ATF6B: variants seen among roughly 807,000 people sequenced by gnomAD.
The protein encoded by ATF6B is activating transcription factor 6 beta.
ATF6B carries 50 observed loss-of-function variants against 83.5 expected under a neutral mutation model. The ratio of observed to expected loss-of-function variants is 0.60; its 90% CI spans 0.48 to 0.76. The LOEUF (loss-of-function observed/expected upper bound fraction) is 0.76. Ranked by LOEUF, ATF6B falls within the 30% of genes least tolerant of loss-of-function variation. The pLI is 0.00. For missense variants in ATF6B, 790 were observed against 893.8 expected (o/e 0.88, Z 1.48); for synonymous variants, 344 against 362.8 (o/e 0.95, Z 0.59).
chr6:32,117,815 C>T lies in ATF6B; in HGVS notation c.1424+44G>A, dbSNP rs1437303543. 1.8e-5 allele frequency: 28 copies of T among 1,559,116 alleles called. 1 individual carries two copies. In the South Asian group the frequency reaches 3.0e-4, roughly 17 times the overall value. ...TCACTGAAAGCGGGGAGAAGACCAA[C>T]TCATACCCTCAAACGAGAGGGGGCC... On this transcript the variant is annotated intron_variant, in intron 12 of 17. Transcript: ENST00000375203. The surrounding 1 kb of genome is among the most constrained non-coding windows in gnomAD (Gnocchi z 5.0).
At position 32,128,126 on chromosome 6, in the gene ATF6B, C is replaced by A; in HGVS notation, c.82G>T (p.Gly28Cys). The A allele has an allele frequency of 1.2e-6, 2 of 1,613,316 alleles. No individual in the cohort carries two copies. Among genetic ancestry groups the A allele is most frequent in the Non-Finnish European group, 1.7e-6 (2 of 1,179,998 alleles). Residue 28 changes from glycine to cysteine, a missense_variant, in exon 1 of 18, where the codon GGT becomes TGT. This residue lies in a region of ATF6B where 253 missense variants were observed against 243.1 expected (regional missense o/e 1.04). Coordinates refer to ENST00000375203, the MANE Select transcript of ATF6B (RefSeq NM_004381.5). ...CTCCCCGGTGCCTCACTCTGCAGAC[C>A]CCAGTCCTCCGGGCTAAGCAGGTTG... ...TDNLLSPEDW[G>C]LQNSTLYSGL...
chr6:32,126,682 G>C (rs759731524), intron 4 of ATF6B, among the ~76,000 whole-genome samples: 16 of 152,094 alleles, frequency 1.1e-4, no homozygotes, highest in Middle Eastern at 3.4e-3. Context: ...AACATAGGAA[G>C]ACCCCATTTT....
intron 4 of ATF6B, among the ~76,000 whole-genome samples, chr6:32,126,888 A>C (rs1782002159): frequency 6.6e-6 from 1 of 152,090 alleles, no homozygotes; most frequent in Admixed American, 6.6e-5. Context: ...AAAAACAAAC[A>C]AACAAAAAAA....
At position 32,118,082 on chromosome 6, in the gene ATF6B, T is replaced by C; in HGVS notation, c.1245-44A>G. The C allele has an allele frequency of 6.2e-7, 1 of 1,610,090 alleles. No individual in the cohort carries two copies. The highest frequency in any genetic ancestry group is 8.5e-7 in the Non-Finnish European group (1 of 1,176,950). On this transcript the variant is annotated intron_variant, in intron 11 of 17. Transcript: ENST00000375203. This position sits in a 1 kb window ranked among gnomAD's most constrained non-coding sequence, Gnocchi z 5.2. The stretch of plus-strand genomic sequence containing the variant: ...TGAGCACAATGAAGAATTTCAGCTG[T>C]ATCAAGTATCTAGGTAAGAATAAAG...
chr6:32,123,612 T>A (rs1365182622), intron 5 of ATF6B, among the ~76,000 whole-genome samples: 1 of 152,134 alleles, frequency 6.6e-6, no homozygotes, highest in Non-Finnish European at 1.5e-5. Context: ...ATGGTCTTGA[T>A]CTCCTGACCT....
At position 32,127,086 on chromosome 6, in the gene ATF6B, G is replaced by A. The variant is rs375944108; in HGVS notation, c.342+17C>T. 1.3e-5 allele frequency: 21 copies of A among 1,563,490 alleles called. No homozygotes were observed. In the African/African-American group the frequency reaches 2.4e-4, roughly 18 times the overall value. The stretch of plus-strand genomic sequence containing the variant: ...GAGTCCCCGTCACAGAGAGTAAGAG[G>A]GATATGGCTCTCTCACCTCGCTGGA... On this transcript the variant is annotated intron_variant, in intron 4 of 17. Coordinates refer to ENST00000375203, the MANE Select transcript of ATF6B (RefSeq NM_004381.5).
At position 32,126,395 on chromosome 6, in the gene ATF6B, C is replaced by T. The variant is rs1781982663; in HGVS notation, c.343-143G>A. 2.9e-6 allele frequency: 3 copies of T among 1,017,626 alleles called. No homozygotes were observed. The African/African-American group carries it at 4.9e-5, about 17-fold the overall frequency. The allele number at this position is 1,017,626 out of a possible 1,614,324, so 63.0% of individuals were successfully genotyped here. A position where few individuals can be genotyped will look rare whatever the true frequency, so the allele number is the denominator to read the frequency against. Reference sequence around the variant, plus strand: ...ATTTGACATTCTGGTCTGAATGGTACTGACCATCTTTCTAACCTGTTCATT... The same window carrying T: ...ATTTGACATTCTGGTCTGAATGGTATTGACCATCTTTCTAACCTGTTCATT... On this transcript the variant is annotated intron_variant, in intron 4 of 17. Transcript: ENST00000375203.
At chr6:32,122,923 G>T (rs530268756) in intron 5 of ATF6B, among the ~76,000 whole-genome samples, 1 of 140,792 alleles carries the variant, frequency 7.1e-6, no homozygotes, top group South Asian at 2.3e-4. Flanking sequence ...ACCACTATCA[G>T]AACTATTTAA....
In ATF6B at chr6:32,116,982, C is replaced by A. The variant is rs1345647404; in HGVS notation, c.1685+55G>T. The A allele has an allele frequency of 1.9e-6, 3 of 1,583,274 alleles. No homozygotes were observed. The African/African-American group carries it at 4.0e-5, about 21-fold the overall frequency. ...AGGCACAGGACAGCTACTGGGGGTACAGCTCTTGAAAGTGGAATTTCACTT... is the reference window on the plus strand; with the variant it reads ...AGGCACAGGACAGCTACTGGGGGTAAAGCTCTTGAAAGTGGAATTTCACTT... On this transcript the variant is annotated intron_variant, in intron 15 of 17. Coordinates refer to ENST00000375203, the MANE Select transcript of ATF6B (RefSeq NM_004381.5). This position sits in a 1 kb window ranked among gnomAD's most constrained non-coding sequence, Gnocchi z 5.1.
chr6:32,115,975 G>A lies in ATF6B; in HGVS notation c.1883-7C>T, dbSNP rs772180320. ...CCACGGCCTGACAGGGTCTCTGTGA[G>A]AAGGGGAGAGTTAAGGAAGAGGAGA... On this transcript the variant is annotated splice_polypyrimidine_tract_variant and splice_region_variant and intron_variant, in intron 17 of 17. Transcript: ENST00000375203. 1 of 1,609,168 alleles carries A rather than the reference G, an allele frequency of 6.2e-7. No homozygotes were observed. The highest frequency in any genetic ancestry group is 1.1e-5 in the South Asian group (1 of 90,620).
chr6:32,122,532 C>A (rs755455818), intron 5 of ATF6B, among the ~76,000 whole-genome samples: 4 of 151,882 alleles, frequency 2.6e-5, no homozygotes, highest in Non-Finnish European at 5.9e-5. Flanking sequence ...CAAATCCAAA[C>A]GAACAAAGGA....
In ATF6B at chr6:32,127,485, G is replaced by A. The variant is rs976291820; in HGVS notation, c.207C>T (p.Val69=). 2 of 1,613,458 alleles carry A rather than the reference G, an allele frequency of 1.2e-6. No individual in the cohort carries two copies. Residue 69 remains valine (V), a synonymous_variant, in exon 3 of 18, where the codon GTC becomes GTT. Coordinates refer to ENST00000375203, the MANE Select transcript of ATF6B (RefSeq NM_004381.5). ...GTTCCCATGGGGGCTCAGAGGGGCT[G>A]ACATCCATCCCCACGTCCAGGGAGC... is the stretch of plus-strand genomic sequence containing the variant. ...DGSSLDVGMD[V]SPSEPPWELL... is the part of the protein sequence containing the mutation.
In ATF6B at chr6:32,119,951, G is replaced by A; in HGVS notation, c.839C>T (p.Pro280Leu). Residue 280 changes from proline (P) to leucine (L), a missense_variant, in exon 9 of 18, where the codon CCA becomes CTA. By Grantham distance (98) the Pro-to-Leu change is moderately conservative. Coordinates refer to ENST00000375203, the MANE Select transcript of ATF6B (RefSeq NM_004381.5). This position sits in a 1 kb window ranked among gnomAD's most constrained non-coding sequence, Gnocchi z 4.9. Reference sequence around the variant, plus strand: ...AATAGCACCCTGGATGAGGACAACTGGGGACACTGGGGCAAGTGAGCAGAG... The same window carrying A: ...AATAGCACCCTGGATGAGGACAACTAGGGACACTGGGGCAAGTGAGCAGAG... Reference protein sequence around the residue: ...QSLVQPPPVSPVVLIQGAIRV... With the variant: ...QSLVQPPPVSLVVLIQGAIRV... The A allele has an allele frequency of 6.2e-7, 1 of 1,613,980 alleles. No individual in the cohort carries two copies. Among genetic ancestry groups the A allele is most frequent in the Non-Finnish European group, 8.5e-7 (1 of 1,179,910 alleles).
Position 32,116,718 on chromosome 6 carries a change from C to T in ATF6B, c.1783G>A (p.Val595Ile), listed in dbSNP as rs1781542921. Residue 595 changes from valine to isoleucine, a missense_variant, in exon 16 of 18, where the codon GTC (valine) becomes ATC (isoleucine). By Grantham distance (29) the Val-to-Ile change is conservative (BLOSUM62 3). Coordinates refer to ENST00000375203, the MANE Select transcript of ATF6B (RefSeq NM_004381.5). This position sits in a 1 kb window ranked among gnomAD's most constrained non-coding sequence, Gnocchi z 5.1. Reference sequence around the variant, plus strand: ...GAGAAACTCACCCTTCGGAAAGAGACAACATAAAATGTGTCTTCCCGTCGG... The same window carrying T: ...GAGAAACTCACCCTTCGGAAAGAGATAACATAAAATGTGTCTTCCCGTCGG... ...IDRREDTFYV[V>I]SFRRDHLLLP... 1.9e-6 allele frequency: 3 copies of T among 1,614,004 alleles called. No homozygotes were observed. Among genetic ancestry groups the T allele is most frequent in the Non-Finnish European group, 2.5e-6 (3 of 1,180,016 alleles).
At position 32,125,894 on chromosome 6, in the gene ATF6B, G is replaced by C; in HGVS notation, c.478+223C>G. On this transcript the variant is annotated intron_variant, in intron 5 of 17. Coordinates refer to ENST00000375203, the MANE Select transcript of ATF6B (RefSeq NM_004381.5). This position sits in a 1 kb window ranked among gnomAD's most constrained non-coding sequence, Gnocchi z 4.1. ...CAGAATACTAGGAACAAGAAAAAGA[G>C]AGAAAAATAATATCCATCTCCTCAG... The C allele has an allele frequency of 1.9e-6, 1 of 537,140 alleles. No homozygotes were observed. 33.3% of individuals were successfully genotyped at this position (537,140 alleles called of 1,614,324 possible).
Position 32,117,965 on chromosome 6 carries a change from G to GC in ATF6B, c.1317dup (p.Leu440AlafsTer13), listed in dbSNP as rs1373123163. On this transcript the variant is annotated frameshift_variant, in exon 12 of 18. Coordinates refer to ENST00000375203, the MANE Select transcript of ATF6B (RefSeq NM_004381.5). LOFTEE classifies it high-confidence loss of function. The surrounding 1 kb of genome is among the most constrained non-coding windows in gnomAD (Gnocchi z 5.0). ...ACTGGCTCTTGCTCTGAGAACCCCA[G>GC]CAAGTGTCTCCGGGGTTGAGGCTCC... 1.7e-5 allele frequency: 28 copies of GC among 1,613,696 alleles called. No individual in the cohort carries two copies. The highest frequency in any genetic ancestry group is 1.9e-5 in the Non-Finnish European group (23 of 1,179,894).
Position 32,118,950 on chromosome 6 carries a change from T to G in ATF6B, c.1152+6A>C, listed in dbSNP as rs1036707958. The G allele has an allele frequency of 6.2e-7, 1 of 1,613,916 alleles. No individual in the cohort carries two copies. The highest frequency in any genetic ancestry group is 8.5e-7 in the Non-Finnish European group (1 of 1,179,798). The stretch of plus-strand genomic sequence containing the variant: ...TGTTGGTCTCCCAGGGACAGACTGG[T>G]CTTACTTCAGCCAGCAGGGCCTCCA... On this transcript the variant is annotated splice_donor_region_variant and intron_variant, in intron 10 of 17. Transcript: ENST00000375203. This position sits in a 1 kb window ranked among gnomAD's most constrained non-coding sequence, Gnocchi z 5.2.
At chr6:32,120,210 G>A in intron 8 of ATF6B, 1 of 264,160 alleles carries the variant, frequency 3.8e-6, no homozygotes, top group Non-Finnish European at 7.2e-6. Flanking sequence ...CCATTCTCCT[G>A]CCTCAGCCTC....
chr6:32,127,698 G>A lies in ATF6B; in HGVS notation c.144C>T (p.Leu48=). The A allele has an allele frequency of 6.2e-7, 1 of 1,614,232 alleles. No individual in the cohort carries two copies. The highest frequency in any genetic ancestry group is 1.1e-5 in the South Asian group (1 of 91,090). ...LDEVAEEQTQ[L]FRCPEQDVPF... ...GGACATCCTGCTCCGGGCAACGGAA[G>A]AGCTGCGTCTGCTCCTCGGCCACTT... The change falls in exon 2 of 18, where the codon CTC becomes CTT. Residue 48 remains leucine, a synonymous_variant. Coordinates refer to ENST00000375203, the MANE Select transcript of ATF6B (RefSeq NM_004381.5).
Sources: allele counts gnomAD v4.1 joint callset (sites outside exome capture counted in the v4.1 genomes callset), GRCh38; gene constraint gnomAD v4.1.1; regional missense constraint gnomAD v4.1.1; non-coding constraint Gnocchi (gnomAD v3.1); transcripts MANE v1.5; gene names NCBI Gene and HGNC (gene_info 2026-07-23, HGNC 2026-07-21).